NOL4: variants seen among roughly 807,000 people sequenced by gnomAD.
The protein encoded by NOL4 is nucleolar protein 4.
In NOL4, 17 loss-of-function variants were observed where a neutral mutation model predicts 75.9. That is an observed-to-expected ratio of 0.22 (90% CI 0.15 to 0.34). The LOEUF is 0.34. Ranked by LOEUF, NOL4 falls within the 10% of genes least tolerant of loss-of-function variation. The probability of loss-of-function intolerance (pLI) is 1.00; values close to 1 mark genes in which losing one functional copy is unlikely to be tolerated. For synonymous variants in NOL4, 292 were observed against 289.9 expected (o/e 1.01, Z -0.07); for missense variants, 614 against 793.5 (o/e 0.77, Z 2.72).
intron 5 of NOL4, among the ~76,000 whole-genome samples, chr18:34,088,488 A>T (rs2078350760): frequency 6.6e-6 from 1 of 152,122 alleles, no homozygotes; most frequent in Non-Finnish European, 1.5e-5. Flanking sequence ...AAGAATGCTT[A>T]CAAACTGCTG....
chr18:33,950,597 G>A (rs1033194093), intron 8 of NOL4, among the ~76,000 whole-genome samples: 1 of 152,080 alleles, frequency 6.6e-6, no homozygotes, highest in Non-Finnish European at 1.5e-5. Flanking sequence ...AAGAAGCATA[G>A]TACTCAAGGA....
At chr18:33,896,604 T>A (rs950226126) in intron 9 of NOL4, among the ~76,000 whole-genome samples, 3 of 152,134 alleles carry the variant, frequency 2.0e-5, no homozygotes, top group Non-Finnish European at 4.4e-5. Context: ...CTGGATCATT[T>A]CCACAAAAAT....
chr18:34,221,744 T>C (rs79208690), intron 1 of NOL4: 5,079 of 322,846 alleles, frequency 0.016, 225 homozygotes, highest in African/African-American at 0.099. Context: ...CAGGAAACCA[T>C]AAACTGATTT....
At chr18:34,152,549 G>T (rs1201516162) in intron 1 of NOL4, among the ~76,000 whole-genome samples, 1 of 151,838 alleles carries the variant, frequency 6.6e-6, no homozygotes, top group African/African-American at 2.4e-5. Context: ...ACATTACTAT[G>T]TATAAAACTG....
At chr18:34,149,535 T>G (rs1411573308) in intron 1 of NOL4, among the ~76,000 whole-genome samples, 1 of 151,628 alleles carries the variant, frequency 6.6e-6, no homozygotes, top group African/African-American at 2.4e-5. Flanking sequence ...ATAGCTATGA[T>G]AGTGTTTTAA....
At chr18:33,959,060 T>C (rs757783085) in intron 6 of NOL4, among the ~76,000 whole-genome samples, 2 of 152,148 alleles carry the variant, frequency 1.3e-5, no homozygotes, top group Non-Finnish European at 2.9e-5. Context: ...GGAACCGGGT[T>C]TCTTCCTAAT....
chr18:34,202,304 T>C lies in NOL4; in HGVS notation c.264+20686A>G, dbSNP rs578017248. Among the ~76,000 whole-genome samples the C allele has an allele frequency of 3.3e-5, 5 of 152,070 alleles. No individual in the cohort carries two copies. In the South Asian group the frequency reaches 8.3e-4, roughly 25 times the overall value. On this transcript the variant is annotated intron_variant, in intron 1 of 10. Transcript: ENST00000261592. ...TGAAAGACAAATTTTAGCATATCCC[T>C]GTTAGTCCATTAGACTGAAATTGTT...
rs2035799539 is a variant in NOL4, at chr18:34,202,338, A to C, written c.264+20652T>G. ...ATTAGACTGAAATTGTTAAGTAATAAATTGCACATCTACATGATTTACTGT... is the reference window on the plus strand; with the variant it reads ...ATTAGACTGAAATTGTTAAGTAATACATTGCACATCTACATGATTTACTGT... On this transcript the variant is annotated intron_variant, in intron 1 of 10. Transcript: ENST00000261592. Among the ~76,000 whole-genome samples the C allele has an allele frequency of 2.6e-5, 4 of 151,940 alleles. No homozygotes were observed. The South Asian group carries it at 8.3e-4, about 31-fold the overall frequency.
In NOL4 at chr18:34,045,004, G is replaced by T. The variant is rs376148289; in HGVS notation, c.773-25403C>A. 8.5e-5 allele frequency among the ~76,000 whole-genome samples: 13 copies of T among 152,212 alleles called. No homozygotes were observed. In the South Asian group the frequency reaches 1.0e-3, roughly 12 times the overall value. ...TGTTTTTATGAAATCTTGAACATTA[G>T]TATTTTTCTCTGTCCTTCTTATCAT... is the stretch of plus-strand genomic sequence containing the variant. On this transcript the variant is annotated intron_variant, in intron 5 of 10. Coordinates refer to ENST00000261592, the MANE Select transcript of NOL4 (RefSeq NM_003787.5).
At chr18:34,036,960 A>T (rs781515975) in intron 5 of NOL4, among the ~76,000 whole-genome samples, 7 of 152,202 alleles carry the variant, frequency 4.6e-5, no homozygotes, top group Non-Finnish European at 7.3e-5. Context: ...ATAGCATCAC[A>T]GTTGCAAAAA....
intron 5 of NOL4, among the ~76,000 whole-genome samples, chr18:34,075,667 CATT>C (rs2077713308): frequency 6.6e-6 from 1 of 152,146 alleles, no homozygotes; most frequent in South Asian, 2.1e-4. Context: ...CAAGTCATGA[CATT>C]AGAGACACGG....
At chr18:34,176,076 A>G (rs934056631) in intron 1 of NOL4, among the ~76,000 whole-genome samples, 3 of 152,122 alleles carry the variant, frequency 2.0e-5, no homozygotes, top group African/African-American at 7.2e-5. Flanking sequence ...AGAGCTAAAG[A>G]AGAGTATAAG....
At chr18:34,062,460 C>T (rs149883623) in intron 5 of NOL4, among the ~76,000 whole-genome samples, 15 of 152,050 alleles carry the variant, frequency 9.9e-5, no homozygotes, top group Admixed American at 6.6e-4. Flanking sequence ...GGGAAGTTGC[C>T]GAACCTCTTC....
At chr18:34,110,839 G>A (rs1292818063) in intron 2 of NOL4, among the ~76,000 whole-genome samples, 8 of 151,568 alleles carry the variant, frequency 5.3e-5, no homozygotes, top group Admixed American at 5.3e-4. Context: ...TAAAGTTGCA[G>A]GACAAAAAAA....
chr18:34,026,349 C>T (rs549643033), intron 5 of NOL4, among the ~76,000 whole-genome samples: 4 of 152,260 alleles, frequency 2.6e-5, no homozygotes, highest in Admixed American at 6.5e-5. Flanking sequence ...ATCCTCTATG[C>T]CCTAGTTCCT....
chr18:34,167,689 G>A (rs1239037458), intron 1 of NOL4, among the ~76,000 whole-genome samples: 2 of 151,974 alleles, frequency 1.3e-5, no homozygotes, highest in East Asian at 3.9e-4. Context: ...TTAAATAAAT[G>A]CTAAAATGAA....
Position 33,943,122 on chromosome 18 carries a change from T to C in NOL4, c.1485A>G (p.Ser495=). The change falls in exon 9 of 11, where the codon TCA becomes TCG. Residue 495 remains serine, a synonymous_variant. Coordinates refer to ENST00000261592, the MANE Select transcript of NOL4 (RefSeq NM_003787.5). ...CATTTCTACTCTCACTCTCACAAGC[T>C]GAAGCCAAGATACTCTCTGCAACTG... ...TSAVAESILA[S]ACESESRNAA... The C allele has an allele frequency of 6.2e-7, 1 of 1,611,002 alleles. No individual in the cohort carries two copies. Among genetic ancestry groups the C allele is most frequent in the South Asian group, 1.1e-5 (1 of 91,002 alleles).
At position 34,158,302 on chromosome 18, in the gene NOL4, GGA is replaced by G. The variant is rs534352859; in HGVS notation, c.265-28284_265-28283del. ...AGATGCCTCCATTTGCTCTAATCAG[GGA>G]GAGTCTTTTTTACTAAGTGCATTTA... On this transcript the variant is annotated intron_variant, in intron 1 of 10. Transcript: ENST00000261592. Among the ~76,000 whole-genome samples the G allele has an allele frequency of 1.4e-4, 22 of 152,226 alleles. No individual in the cohort carries two copies. In the South Asian group the frequency reaches 2.9e-3, roughly 20 times the overall value.
intron 9 of NOL4, among the ~76,000 whole-genome samples, chr18:33,892,023 TC>T (rs1490853421): frequency 6.6e-6 from 1 of 152,120 alleles, no homozygotes; most frequent in Non-Finnish European, 1.5e-5. Context: ...TAAAGTTAAT[TC>T]ATGTTTTCAT....
Sources: allele counts gnomAD v4.1 joint callset (sites outside exome capture counted in the v4.1 genomes callset), GRCh38; gene constraint gnomAD v4.1.1; transcripts MANE v1.5; gene names NCBI Gene and HGNC (gene_info 2026-07-23, HGNC 2026-07-21).